The following GRM5 variants were observed in gnomAD, a reference collection of about 807,000 sequenced individuals.
GRM5 encodes the protein metabotropic glutamate receptor 5.
GRM5 carries 19 observed loss-of-function variants against 83.1 expected under a neutral mutation model. That is an observed-to-expected ratio of 0.23 (90% CI 0.16 to 0.34). GRM5 has a LOEUF of 0.34. Among genes scored for constraint, GRM5 ranks in the 10% least tolerant of loss-of-function variants. The pLI, the probability that GRM5 is intolerant of heterozygous loss-of-function variation, is 1.00. For missense variants in GRM5, 1,160 were observed against 1,588.3 expected, an observed-to-expected ratio of 0.73 and a Z score of 4.58; for synonymous variants, 675 against 633.6, an observed-to-expected ratio of 1.07 and a Z score of -0.98.
intron 2 of GRM5, among the ~76,000 whole-genome samples, chr11:88,948,942 A>C (rs1938369568): frequency 6.6e-6 from 1 of 152,226 alleles, no homozygotes; most frequent in Admixed American, 6.5e-5. Flanking sequence ...AACAGATGAG[A>C]AACAAAAAAT....
chr11:88,691,877 T>C (rs1440439122), intron 3 of GRM5, among the ~76,000 whole-genome samples: 1 of 152,206 alleles, frequency 6.6e-6, no homozygotes, highest in Non-Finnish European at 1.5e-5. Flanking sequence ...CTTTTTATAA[T>C]GTAAATTTTA....
intron 3 of GRM5, among the ~76,000 whole-genome samples, chr11:88,754,509 A>T (rs1407343407): frequency 6.6e-6 from 1 of 152,162 alleles, no homozygotes; most frequent in African/African-American, 2.4e-5. Flanking sequence ...TGGCAGGAAA[A>T]CAACATTGAA....
At chr11:88,833,545 T>C (rs1267363265) in intron 3 of GRM5, among the ~76,000 whole-genome samples, 1 of 151,792 alleles carries the variant, frequency 6.6e-6, no homozygotes, top group Non-Finnish European at 1.5e-5. Flanking sequence ...ACAGACACTA[T>C]GGAAAACAGT....
chr11:88,761,813 A>T (rs185184062), intron 3 of GRM5, among the ~76,000 whole-genome samples: 11 of 151,472 alleles, frequency 7.3e-5, no homozygotes, highest in Non-Finnish European at 1.3e-4. Flanking sequence ...ATACTACAGG[A>T]CTACAGTAAC....
intron 2 of GRM5, among the ~76,000 whole-genome samples, chr11:88,880,362 A>T (rs1416332938): frequency 1.3e-5 from 2 of 152,142 alleles, no homozygotes; most frequent in Admixed American, 1.3e-4. Context: ...AGTGAGTAAA[A>T]ACTGTACATT....
At chr11:88,595,050 A>G (rs1037769573) in intron 6 of GRM5, among the ~76,000 whole-genome samples, 35 of 151,858 alleles carry the variant, frequency 2.3e-4, no homozygotes, top group African/African-American at 7.7e-4. Context: ...TAATTTTTTA[A>G]TGTCCTCAAA....
chr11:88,978,473 T>TAAAAAAAA (rs1565317795), intron 2 of GRM5, among the ~76,000 whole-genome samples: 2 of 56,818 alleles, frequency 3.5e-5, no homozygotes, highest in Admixed American at 2.2e-4. Context: ...GCAGATGAGC[T>TAAAAAAAA]TAAAAAAAAA....
intron 2 of GRM5, among the ~76,000 whole-genome samples, chr11:88,949,598 G>A (rs1447966303): frequency 1.3e-5 from 2 of 152,120 alleles, no homozygotes; most frequent in Admixed American, 6.5e-5. Context: ...TGAAGTAAGA[G>A]TTTAGTTGTT....
chr11:88,698,210 G>A (rs183137732), intron 3 of GRM5, among the ~76,000 whole-genome samples: 29 of 152,218 alleles, frequency 1.9e-4, no homozygotes, highest in African/African-American at 5.8e-4. Flanking sequence ...CAAAAGTCCT[G>A]AACATGACCC....
At chr11:88,682,434 G>A (rs938728721) in intron 3 of GRM5, among the ~76,000 whole-genome samples, 1 of 152,058 alleles carries the variant, frequency 6.6e-6, no homozygotes, top group African/African-American at 2.4e-5. Flanking sequence ...AGCAAACAAT[G>A]GCTATAATCA....
chr11:88,963,892 C>T (rs1938861795), intron 2 of GRM5, among the ~76,000 whole-genome samples: 1 of 152,116 alleles, frequency 6.6e-6, no homozygotes, highest in Admixed American at 6.5e-5. Flanking sequence ...GGAAAGAAAA[C>T]TCCTTCCTGT....
At chr11:88,837,579 G>A (rs865794547) in intron 3 of GRM5, among the ~76,000 whole-genome samples, 1 of 152,186 alleles carries the variant, frequency 6.6e-6, no homozygotes, top group Middle Eastern at 3.2e-3. Flanking sequence ...CGCACTTTGA[G>A]ATGCAGATTA....
chr11:88,987,595 GA>G (rs949032589), intron 2 of GRM5, among the ~76,000 whole-genome samples: 127 of 152,208 alleles, frequency 8.3e-4, no homozygotes, highest in African/African-American at 3.0e-3. Flanking sequence ...AACCTCTGCA[GA>G]CTTAAATGTC....
intron 3 of GRM5, among the ~76,000 whole-genome samples, chr11:88,695,162 C>T (rs1007171706): frequency 1.3e-5 from 2 of 152,116 alleles, no homozygotes; most frequent in Admixed American, 6.5e-5. Flanking sequence ...CATGTCTCTT[C>T]GTTTCCATCA....
At chr11:88,637,375 A>G (rs1483203903) in intron 4 of GRM5, among the ~76,000 whole-genome samples, 4 of 151,498 alleles carry the variant, frequency 2.6e-5, no homozygotes, top group Admixed American at 6.6e-5. Context: ...GCAACCTACA[A>G]AATGGGAGAA....
intron 3 of GRM5, among the ~76,000 whole-genome samples, chr11:88,703,532 T>C (rs546125208): frequency 6.6e-6 from 1 of 152,010 alleles, no homozygotes; most frequent in South Asian, 2.1e-4. Context: ...GCAATATGGG[T>C]TGGGTCTGTG....
chr11:89,063,087 T>C (rs1565357413), intron 1 of GRM5, among the ~76,000 whole-genome samples: 1 of 152,256 alleles, frequency 6.6e-6, no homozygotes, highest in Non-Finnish European at 1.5e-5. Context: ...AACAGATCTA[T>C]TGAAAAGCAA....
chr11:88,638,604 C>G (rs571821061), intron 4 of GRM5, among the ~76,000 whole-genome samples: 2 of 152,038 alleles, frequency 1.3e-5, no homozygotes, highest in Non-Finnish European at 2.9e-5. Context: ...CCAGTGAAAC[C>G]AATCTGGGCC....
At position 89,065,399 on chromosome 11, in the gene GRM5, G is replaced by GTT. The variant is rs113626208; in HGVS notation, c.-201+375_-201+376dup. 3.4e-4 allele frequency among the ~76,000 whole-genome samples: 49 copies of GTT among 142,588 alleles called. 1 individual carries two copies. The highest frequency in any genetic ancestry group is 1.1e-3 in the African/African-American group (44 of 39,504). The allele number at this position is 142,588 out of a possible 152,430, so 93.5% of individuals were successfully genotyped here. A position where few individuals can be genotyped will look rare whatever the true frequency, so the allele number is the denominator to read the frequency against. The stretch of plus-strand genomic sequence containing the variant: ...TCGGATCTTTATCTTTTCCTCCTCT[G>GTT]TTTTTTTTTTTTAGTTCGTTTTCTA... On this transcript the variant is annotated intron_variant, in intron 1 of 9. Transcript: ENST00000305447.
Sources: allele counts gnomAD v4.1 joint callset (sites outside exome capture counted in the v4.1 genomes callset), GRCh38; gene constraint gnomAD v4.1.1; transcripts MANE v1.5; gene names NCBI Gene and HGNC (gene_info 2026-07-23, HGNC 2026-07-21).